The following HEBP1 variants were observed in gnomAD, a reference collection of about 807,000 sequenced individuals.
HEBP1 encodes the protein heme-binding protein 1.
A neutral mutation model predicts 20.4 loss-of-function variants in HEBP1; 13 were observed. That is an observed-to-expected ratio of 0.64 (90% CI 0.42 to 1.01). HEBP1 has a LOEUF of 1.01. Ranked by LOEUF, HEBP1 falls within the 50% of genes least tolerant of loss-of-function variation. The pLI, the probability that HEBP1 is intolerant of heterozygous loss-of-function variation, is 0.00. For synonymous variants in HEBP1, 92 were observed against 90.7 expected, an observed-to-expected ratio of 1.01 and a Z score of -0.08; for missense variants, 241 against 247.3, an observed-to-expected ratio of 0.97 and a Z score of 0.17.
intron 1 of HEBP1, 135 bp from the exon 2 acceptor site, chr12:12,989,550 G>C: frequency 1.5e-6 from 1 of 677,730 alleles, no homozygotes; most frequent in Non-Finnish European, 2.5e-6. Flanking sequence ...GCCTGAGTAT[G>C]AAGGGCCATG....
rs890449691 is a variant in HEBP1, at chr12:12,998,749, G to A, written c.78+1288C>T. 1.3e-5 allele frequency among the ~76,000 whole-genome samples: 2 copies of A among 152,344 alleles called. No individual in the cohort carries two copies. The highest frequency in any genetic ancestry group is 3.9e-4 in the East Asian group (2 of 5,192). On this transcript the variant is annotated intron_variant, in intron 1 of 3. Coordinates refer to ENST00000014930, the MANE Select transcript of HEBP1 (RefSeq NM_015987.5). The surrounding 1 kb of genome is among the most constrained non-coding windows in gnomAD (Gnocchi z 4.2). ...ACAGTCCTTTCACAAATGAGGCATC[G>A]TATTGGGAGCTCTGTATACAGCTGC...
intron 1 of HEBP1, among the ~76,000 whole-genome samples, chr12:12,990,000 G>A (rs1179149262): frequency 6.6e-6 from 1 of 152,064 alleles, no homozygotes; most frequent in Middle Eastern, 3.4e-3. Flanking sequence ...ATATAAAATG[G>A]TGTAGTATTT....
chr12:12,996,716 CATCTT>C lies in HEBP1; in HGVS notation c.78+3316_78+3320del, dbSNP rs1864294590. Among the ~76,000 whole-genome samples, 2 of 152,034 alleles carry C rather than the reference CATCTT, an allele frequency of 1.3e-5. No individual in the cohort carries two copies. The highest frequency in any genetic ancestry group is 6.6e-5 in the Admixed American group (1 of 15,258). ...AATTTCACATTGGCATTGTTATTCT[CATCTT>C]AGAGTTGAGGAATTCAAGGGCTCAC... On this transcript the variant is annotated intron_variant, in intron 1 of 3. Transcript: ENST00000014930. This position sits in a 1 kb window ranked among gnomAD's most constrained non-coding sequence, Gnocchi z 4.1.
At chr12:12,997,132 T>G (rs1176903138) in intron 1 of HEBP1, among the ~76,000 whole-genome samples, 1 of 152,232 alleles carries the variant, frequency 6.6e-6, no homozygotes, top group Non-Finnish European at 1.5e-5. Flanking sequence ...TCATTTGGGT[T>G]AAATGATTTG....
chr12:12,980,095 T>C (rs1181980672), intron 3 of HEBP1: 2 of 152,252 alleles, frequency 1.3e-5, no homozygotes, highest in African/African-American at 4.8e-5. Context: ...CACACACTGG[T>C]GTACGGTCTG....
chr12:12,989,161 T>C (rs1864186881), intron 2 of HEBP1, 116 bp downstream of exon 2: 2 of 1,121,376 alleles, frequency 1.8e-6, no homozygotes, highest in African/African-American at 1.5e-5. Flanking sequence ...TCACAGGTCA[T>C]TGAAACAGGT....
intron 3 of HEBP1, among the ~76,000 whole-genome samples, chr12:12,983,179 A>G (rs894075971): frequency 6.6e-6 from 1 of 152,226 alleles, no homozygotes. Flanking sequence ...GTTGGTCCCT[A>G]TTGAGAACCT....
Position 12,987,329 on chromosome 12 carries a change from A to G in HEBP1, c.221T>C (p.Ile74Thr). The G allele has an allele frequency of 6.2e-7, 1 of 1,612,382 alleles. No individual in the cohort carries two copies. Among genetic ancestry groups the G allele is most frequent in the Non-Finnish European group, 8.5e-7 (1 of 1,178,918 alleles). ...KYAGGTNDKG[I>T]GMGMTVPISF... ...AATAGGGACTGTCATCCCCATCCCA[A>G]TTCCTGAAAACACAAAAGCACAGAG... The change falls in exon 3 of 4, where the codon ATT becomes ACT. Residue 74 changes from isoleucine (I) to threonine (T), a missense_variant. Physicochemically the swap from Ile to Thr is moderately conservative, Grantham distance 89. Coordinates refer to ENST00000014930, the MANE Select transcript of HEBP1 (RefSeq NM_015987.5).
At chr12:12,990,820 A>C (rs1180300071) in intron 1 of HEBP1, among the ~76,000 whole-genome samples, 1 of 152,192 alleles carries the variant, frequency 6.6e-6, no homozygotes, top group Non-Finnish European at 1.5e-5. Context: ...TGTAAAACCT[A>C]AGATCAGTGC....
chr12:12,974,882 G>A lies in HEBP1; in HGVS notation c.*426C>T, dbSNP rs1224850986. The A allele has an allele frequency of 5.3e-6, 1 of 189,210 alleles. No individual in the cohort carries two copies. The highest frequency in any genetic ancestry group is 1.1e-5 in the Non-Finnish European group (1 of 90,766). The allele number at this position is 189,210 out of a possible 1,614,324, so 11.7% of individuals were successfully genotyped here. Reference sequence around the variant, plus strand: ...CTTATGATTTGTCTCAGCTGTTTAAGTCAATGCCTTTTATTTTTAGTTTTT... The same window carrying A: ...CTTATGATTTGTCTCAGCTGTTTAAATCAATGCCTTTTATTTTTAGTTTTT... On this transcript the variant is annotated 3_prime_UTR_variant, in exon 4 of 4. Transcript: ENST00000014930.
chr12:12,977,911 C>CACAG (rs1177484918), intron 3 of HEBP1, among the ~76,000 whole-genome samples: 1 of 152,188 alleles, frequency 6.6e-6, no homozygotes, highest in Non-Finnish European at 1.5e-5. Context: ...GAGCACCTAA[C>CACAG]ACAGTGCCTG....
intron 3 of HEBP1, 140 bp from the exon 4 acceptor site, chr12:12,975,619 C>A: frequency 1.6e-6 from 1 of 636,430 alleles, no homozygotes. Context: ...TCACCACTTC[C>A]TAGATGGGTT....
chr12:12,976,077 C>CAAAAAAAAAA (rs56110606), intron 3 of HEBP1, among the ~76,000 whole-genome samples: 17 of 85,838 alleles, frequency 2.0e-4, no homozygotes, highest in Non-Finnish European at 2.8e-4. Flanking sequence ...GACCCTGTGT[C>CAAAAAAAAAA]AAAAAAAAAA....
intron 2 of HEBP1, among the ~76,000 whole-genome samples, chr12:12,988,302 C>T (rs850922): frequency 0.82 from 125,051 of 152,180 alleles, 52,125 homozygotes; most frequent in East Asian, 0.98. Context: ...TTATAATTCT[C>T]ATACATATTT....
At position 12,975,489 on chromosome 12, in the gene HEBP1, C is replaced by T; in HGVS notation, c.399-10G>A. 6.3e-7 allele frequency: 1 copy of T among 1,598,634 alleles called. No individual in the cohort carries two copies. Among genetic ancestry groups the T allele is most frequent in the African/African-American group, 1.4e-5 (1 of 73,804 alleles). ...ATAACCACCAAACTGCCTGGGGGTTCAAGAGCAAGGGCTGGTTACGAAAGG... is the reference window on the plus strand; with the variant it reads ...ATAACCACCAAACTGCCTGGGGGTTTAAGAGCAAGGGCTGGTTACGAAAGG... On this transcript the variant is annotated splice_polypyrimidine_tract_variant and intron_variant, in intron 3 of 3. Transcript: ENST00000014930.
chr12:12,983,657 G>A (rs1376895937), intron 3 of HEBP1: 1 of 455,934 alleles, frequency 2.2e-6, no homozygotes, highest in Non-Finnish European at 4.4e-6. Flanking sequence ...GCGAGTTGAG[G>A]AATGATCATA....
At chr12:12,993,041 G>A (rs890308044) in intron 1 of HEBP1, among the ~76,000 whole-genome samples, 7 of 152,088 alleles carry the variant, frequency 4.6e-5, no homozygotes, top group Non-Finnish European at 7.4e-5. Context: ...GCTATGGGGG[G>A]TGAAGTGAGC....
chr12:12,975,389 C>A lies in HEBP1; in HGVS notation c.489G>T (p.Gly163=). The A allele has an allele frequency of 3.1e-6, 5 of 1,613,792 alleles. No homozygotes were observed. The highest frequency in any genetic ancestry group is 4.2e-6 in the Non-Finnish European group (5 of 1,179,840). Reference sequence around the variant, plus strand: ...CATAACCCGTGCAGAAGTAGATGTCCCCCCGGTAGGTGGCTGTGCCCTCCA... The same window carrying A: ...CATAACCCGTGCAGAAGTAGATGTCACCCCGGTAGGTGGCTGTGCCCTCCA... ...AALEGTATYR[G]DIYFCTGYDP... Residue 163 remains glycine, a synonymous_variant, in exon 4 of 4, where the codon GGG becomes GGT. Coordinates refer to ENST00000014930, the MANE Select transcript of HEBP1 (RefSeq NM_015987.5).
chr12:12,990,287 G>C (rs1234427335), intron 1 of HEBP1, among the ~76,000 whole-genome samples: 1 of 151,680 alleles, frequency 6.6e-6, no homozygotes, highest in African/African-American at 2.4e-5. Context: ...TCCTACTTAG[G>C]CTTCCTGAGT....
Sources: gnomAD v4.1 joint callset for allele counts (sites outside exome capture counted in the v4.1 genomes callset) on GRCh38, gnomAD v4.1.1 for gene constraint, Gnocchi (gnomAD v3.1) non-coding constraint, MANE v1.5 for transcripts, NCBI Gene and HGNC (gene_info 2026-07-23, HGNC 2026-07-21) for gene names.